Variants in SFSWAP observed in about 807,000 individuals in gnomAD.
SFSWAP encodes the protein splicing factor SWAP.
Under a neutral mutation model 100.7 loss-of-function variants are expected in SFSWAP, and 17 were observed. The observed-to-expected ratio is 0.17, with a 90% CI of 0.12 to 0.25. The LOEUF is 0.25. Ranked by LOEUF, SFSWAP falls within the 10% of genes least tolerant of loss-of-function variation. The pLI is 1.00. For synonymous variants in SFSWAP, 504 were observed against 510.1 expected (o/e 0.99, Z 0.16); for missense variants, 1,005 against 1,262.6 (o/e 0.80, Z 3.09).
chr12:131,786,744 A>G (rs1884924188), intron 15 of SFSWAP, 156 bp downstream of exon 15: 2 of 754,384 alleles, frequency 2.7e-6, no homozygotes, highest in Admixed American at 2.8e-5. Flanking sequence ...TGGCATGGCC[A>G]TCACTGTTGA....
chr12:131,728,307 G>A lies in SFSWAP; in HGVS notation c.960G>A (p.Val320=), dbSNP rs1473004686. Residue 320 remains valine (V), a synonymous_variant, in exon 7 of 18, where the codon GTG becomes GTA. Transcript: ENST00000261674. ...LEELMKPLKV[V]DPDHPLAALV... ...TCTGTTTCCAGCCCTTGAAGGTAGT[G>A]GACCCAGATCATCCCCTCGCAGCAC... 6.2e-7 allele frequency: 1 copy of A among 1,614,230 alleles called. No individual in the cohort carries two copies. The highest frequency in any genetic ancestry group is 8.5e-7 in the Non-Finnish European group (1 of 1,180,034).
chr12:131,791,992 CGTGT>C (rs1396163272), intron 15 of SFSWAP, among the ~76,000 whole-genome samples: 1 of 151,214 alleles, frequency 6.6e-6, no homozygotes, highest in African/African-American at 2.4e-5. Context: ...TGTGTGCACC[CGTGT>C]GTGTGCACAG....
At chr12:131,779,953 A>G (rs557551889) in intron 14 of SFSWAP, among the ~76,000 whole-genome samples, 1 of 151,962 alleles carries the variant, frequency 6.6e-6, no homozygotes, top group Admixed American at 6.6e-5. Context: ...CGCCCAGCTA[A>G]TTTTGTTTTT....
chr12:131,719,849 G>A (rs777089771), intron 4 of SFSWAP, among the ~76,000 whole-genome samples: 3 of 152,186 alleles, frequency 2.0e-5, no homozygotes, highest in African/African-American at 7.2e-5. Flanking sequence ...TGGCGAGTGG[G>A]CTGCTCCCCA....
intron 7 of SFSWAP, among the ~76,000 whole-genome samples, chr12:131,741,133 G>C (rs1234435823): frequency 6.6e-6 from 1 of 151,490 alleles, no homozygotes; most frequent in Non-Finnish European, 1.5e-5. Flanking sequence ...CACCACGCTT[G>C]GCTAATTTTT....
At chr12:131,719,569 G>T in intron 4 of SFSWAP, 30 bp downstream of exon 4, 1 of 1,510,774 alleles carries the variant, frequency 6.6e-7, no homozygotes, top group Non-Finnish European at 9.2e-7. Context: ...ACTAGTTGTC[G>T]TCATTATTAT....
chr12:131,749,113 T>A (rs182259057), intron 7 of SFSWAP, among the ~76,000 whole-genome samples: 82 of 152,350 alleles, frequency 5.4e-4, no homozygotes, highest in African/African-American at 1.9e-3. Flanking sequence ...TGTTAGATGA[T>A]GTCATCCAGC....
intron 7 of SFSWAP, among the ~76,000 whole-genome samples, chr12:131,728,683 G>A (rs1361967761): frequency 6.6e-6 from 1 of 151,984 alleles, no homozygotes; most frequent in Non-Finnish European, 1.5e-5. Context: ...AAGGTAGCTG[G>A]CTGCCTCTGC....
chr12:131,750,360 C>A (rs931047231), intron 7 of SFSWAP, among the ~76,000 whole-genome samples: 1 of 152,236 alleles, frequency 6.6e-6, no homozygotes, highest in African/African-American at 2.4e-5. Flanking sequence ...GCAACACATA[C>A]TTTATTTCTC....
intron 13 of SFSWAP, among the ~76,000 whole-genome samples, chr12:131,772,882 A>G (rs1219289347): frequency 6.6e-6 from 1 of 152,182 alleles, no homozygotes; most frequent in East Asian, 1.9e-4. Flanking sequence ...GAGCTGTGGA[A>G]GTGGCTCTCA....
intron 11 of SFSWAP, among the ~76,000 whole-genome samples, chr12:131,763,977 T>A (rs1882891518): frequency 6.6e-6 from 1 of 151,930 alleles, no homozygotes; most frequent in African/African-American, 2.4e-5. Context: ...ATAGAAAAAT[T>A]TAGCCAGGCA....
chr12:131,753,506 C>T (rs1269035926), intron 8 of SFSWAP, 143 bp downstream of exon 8: 9 of 1,119,372 alleles, frequency 8.0e-6, no homozygotes, highest in Non-Finnish European at 9.8e-6. Flanking sequence ...TTCCAAATCC[C>T]CAAGTTACAA....
chr12:131,737,393 C>T (rs551320654), intron 7 of SFSWAP, among the ~76,000 whole-genome samples: 1 of 152,310 alleles, frequency 6.6e-6, no homozygotes, highest in African/African-American at 2.4e-5. Context: ...TGCCCGTTTG[C>T]GCTGCTTGCA....
intron 13 of SFSWAP, among the ~76,000 whole-genome samples, chr12:131,766,633 G>A (rs1379478195): frequency 6.6e-6 from 1 of 152,208 alleles, no homozygotes; most frequent in Non-Finnish European, 1.5e-5. Context: ...GAAATGTGGT[G>A]GACACACTTC....
At chr12:131,795,108 C>G (rs865958965) in intron 15 of SFSWAP, among the ~76,000 whole-genome samples, 1 of 152,242 alleles carries the variant, frequency 6.6e-6, no homozygotes, top group South Asian at 2.1e-4. Context: ...GCAGGTCCCA[C>G]ATGCGTGTGT....
chr12:131,728,543 G>A (rs1486705377), intron 7 of SFSWAP, 115 bp downstream of exon 7: 12 of 1,172,230 alleles, frequency 1.0e-5, no homozygotes, highest in Non-Finnish European at 1.3e-5. Context: ...ATGGAAGCAG[G>A]CGGCCCAGAG....
At chr12:131,744,127 C>T (rs1048874223) in intron 7 of SFSWAP, among the ~76,000 whole-genome samples, 10 of 152,206 alleles carry the variant, frequency 6.6e-5, no homozygotes, top group African/African-American at 2.4e-4. Flanking sequence ...CCATGAAGAC[C>T]TCTGACATGT....
At chr12:131,738,440 C>T (rs974220839) in intron 7 of SFSWAP, among the ~76,000 whole-genome samples, 8 of 152,272 alleles carry the variant, frequency 5.3e-5, no homozygotes, top group Admixed American at 3.9e-4. Flanking sequence ...CATCTTTATG[C>T]ACGAATATCA....
rs1178595062 is a variant in SFSWAP at position 131,734,029 on chromosome 12, T to A, written c.1081+5601T>A. Among the ~76,000 whole-genome samples, 1 of 152,236 alleles carries A rather than the reference T, an allele frequency of 6.6e-6. No individual in the cohort carries two copies. Among genetic ancestry groups the A allele is most frequent in the African/African-American group, 2.4e-5 (1 of 41,470 alleles). On this transcript the variant is annotated intron_variant, in intron 7 of 17. Coordinates refer to ENST00000261674, the MANE Select transcript of SFSWAP (RefSeq NM_004592.4). The surrounding 1 kb of genome is among the most constrained non-coding windows in gnomAD (Gnocchi z 4.9). ...TGGCTTGCCACCATCATTTGGGAAC[T>A]ATTCTTCTGTCCTAGGTGAGTGCCC... is the stretch of plus-strand genomic sequence containing the variant.
Sources: allele counts gnomAD v4.1 joint callset (sites outside exome capture counted in the v4.1 genomes callset), GRCh38; gene constraint gnomAD v4.1.1; non-coding constraint Gnocchi (gnomAD v3.1); transcripts MANE v1.5; gene names NCBI Gene and HGNC (gene_info 2026-07-23, HGNC 2026-07-21).